The following MIGA2 variants were observed in gnomAD, a reference collection of about 807,000 sequenced individuals.
MIGA2 encodes the protein family with sequence similarity 73, member B.
In MIGA2, 36 loss-of-function variants were observed where a neutral mutation model predicts 69.9. The observed-to-expected ratio is 0.52, with a 90% CI of 0.39 to 0.68. MIGA2 has a LOEUF of 0.68. Ranked by LOEUF, MIGA2 falls within the 30% of genes least tolerant of loss-of-function variation. MIGA2 has a pLI of 0.00. For missense variants in MIGA2, 660 were observed against 787.7 expected (o/e 0.84, Z 1.94); for synonymous variants, 333 against 349.2 (o/e 0.95, Z 0.52).
At position 129,048,452 on chromosome 9, in the gene MIGA2, C is replaced by G. The variant is rs751491279; in HGVS notation, c.333C>G (p.Ser111Arg). Residue 111 changes from serine to arginine, a missense_variant, in exon 4 of 16, where the codon AGC (serine) becomes AGG (arginine). Around this residue, in one of 3 missense-constraint regions of MIGA2, gnomAD observed 386 missense variants for 402.0 expected, o/e 0.96. Transcript: ENST00000684074. Reference sequence around the variant, plus strand: ...GATACTCCAGCCGGAGAGTCCAGAGCCCCAGCAGCAAGAGCAACGACACCC... The same window carrying G: ...GATACTCCAGCCGGAGAGTCCAGAGGCCCAGCAGCAAGAGCAACGACACCC... ...KKGYSSRRVQ[S>R]PSSKSNDTLS... 2 of 1,614,046 alleles carry G rather than the reference C, an allele frequency of 1.2e-6. No individual in the cohort carries two copies. Among genetic ancestry groups the G allele is most frequent in the Non-Finnish European group, 1.7e-6 (2 of 1,179,940 alleles).
intron 6 of MIGA2, among the ~76,000 whole-genome samples, chr9:129,055,709 C>A (rs1196576696): frequency 2.6e-5 from 4 of 151,938 alleles, no homozygotes; most frequent in African/African-American, 9.7e-5. Context: ...ATTAGCCGGG[C>A]GTAGTGGCGG....
At chr9:129,056,975 A>G (rs1028307794) in intron 6 of MIGA2, among the ~76,000 whole-genome samples, 2 of 151,912 alleles carry the variant, frequency 1.3e-5, no homozygotes, top group African/African-American at 2.4e-5. Flanking sequence ...TGGAAGTTGC[A>G]GTGAACCGAG....
At chr9:129,038,461 C>T (rs1844714574) in intron 1 of MIGA2, among the ~76,000 whole-genome samples, 1 of 152,084 alleles carries the variant, frequency 6.6e-6, no homozygotes. Flanking sequence ...GTCTTGGGGT[C>T]CAGGCTAGGT....
At chr9:129,063,989 C>T (rs1222533783) in intron 11 of MIGA2, among the ~76,000 whole-genome samples, 1 of 152,168 alleles carries the variant, frequency 6.6e-6, no homozygotes, top group African/African-American at 2.4e-5. Flanking sequence ...TCACAGACAA[C>T]ACTATATAAT....
At chr9:129,046,528 G>C (rs1325851449) in intron 3 of MIGA2, among the ~76,000 whole-genome samples, 2 of 151,462 alleles carry the variant, frequency 1.3e-5, no homozygotes, top group Non-Finnish European at 2.9e-5. Context: ...CACAATCTTG[G>C]CTCACTGCAA....
intron 6 of MIGA2, among the ~76,000 whole-genome samples, chr9:129,056,701 T>C (rs2131371888): frequency 6.6e-6 from 1 of 152,102 alleles, no homozygotes. Flanking sequence ...GTGTTTTTAG[T>C]AGAGACGGGT....
chr9:129,049,289 C>A (rs1030515989), intron 4 of MIGA2, 92 bp from the exon 5 acceptor site: 13 of 1,227,012 alleles, frequency 1.1e-5, no homozygotes, highest in Non-Finnish European at 1.5e-5. Flanking sequence ...GGGCGTGTGG[C>A]CCATGGTCAG....
chr9:129,043,764 G>T (rs954699795), intron 3 of MIGA2, among the ~76,000 whole-genome samples: 2 of 151,402 alleles, frequency 1.3e-5, no homozygotes, highest in Admixed American at 6.6e-5. Flanking sequence ...GCTGTGGCAT[G>T]ATCTTGGCTC....
In MIGA2 at chr9:129,043,150, C is replaced by T. The variant is rs543168355; in HGVS notation, c.307+636C>T. On this transcript the variant is annotated intron_variant, in intron 3 of 15. Coordinates refer to ENST00000684074, the MANE Select transcript of MIGA2 (RefSeq NM_001329990.2). ...CGGAGCTTGCAGTGAGCCGAGATTG[C>T]GCCACTGCACTCCAGCCTGGGTGAC... is the stretch of plus-strand genomic sequence containing the variant. Among the ~76,000 whole-genome samples the T allele has an allele frequency of 8.1e-3, 1,222 of 151,486 alleles. 14 individuals carry two copies. Among genetic ancestry groups the T allele is most frequent in the African/African-American group, 0.028 (1,147 of 41,278 alleles).
In MIGA2 at chr9:129,069,488, C is replaced by T. The variant is rs577292820; in HGVS notation, c.1458+359C>T. On this transcript the variant is annotated intron_variant, in intron 14 of 15. Coordinates refer to ENST00000684074, the MANE Select transcript of MIGA2 (RefSeq NM_001329990.2). The surrounding 1 kb of genome is among the most constrained non-coding windows in gnomAD (Gnocchi z 4.9). ...CCCTTTCCCCGCCCCAGTCAGGCCC[C>T]TGTAATCTCCGCTCCCAGGCAGCGA... 2.2e-5 allele frequency: 11 copies of T among 509,172 alleles called. No individual in the cohort carries two copies. The highest frequency in any genetic ancestry group is 1.9e-4 in the South Asian group (9 of 46,668). 31.5% of individuals were successfully genotyped at this position (509,172 alleles called of 1,614,324 possible). A position where few individuals can be genotyped will look rare whatever the true frequency, so the allele number is the denominator to read the frequency against.
chr9:129,045,714 C>T (rs1845183748), intron 3 of MIGA2, among the ~76,000 whole-genome samples: 1 of 151,858 alleles, frequency 6.6e-6, no homozygotes, highest in African/African-American at 2.4e-5. Flanking sequence ...TCAAGACCAG[C>T]CTGGGCAACA....
chr9:129,048,302 C>A, intron 3 of MIGA2, 125 bp from the exon 4 acceptor site: 1 of 829,092 alleles, frequency 1.2e-6, no homozygotes, highest in East Asian at 2.5e-5. Context: ...CTCTGTTCCC[C>A]TGACTTAGAA....
At position 129,059,047 on chromosome 9, in the gene MIGA2, G is replaced by T; in HGVS notation, c.676-107G>T. 1 of 898,864 alleles carries T rather than the reference G, an allele frequency of 1.1e-6. No homozygotes were observed. The highest frequency in any genetic ancestry group is 1.8e-6 in the Non-Finnish European group (1 of 568,166). The allele number at this position is 898,864 out of a possible 1,614,324, so 55.7% of individuals were successfully genotyped here. On this transcript the variant is annotated intron_variant, in intron 6 of 15. Coordinates refer to ENST00000684074, the MANE Select transcript of MIGA2 (RefSeq NM_001329990.2). The surrounding 1 kb of genome is among the most constrained non-coding windows in gnomAD (Gnocchi z 5.6). Reference sequence around the variant, plus strand: ...TTGGAGTTTATGTGCTTAGCTGCTGGGTCCTAGAGCTCCTCCCCTTTCCCC... The same window carrying T: ...TTGGAGTTTATGTGCTTAGCTGCTGTGTCCTAGAGCTCCTCCCCTTTCCCC...
chr9:129,063,266 A>G lies in MIGA2; in HGVS notation c.1033A>G (p.Ser345Gly). The G allele has an allele frequency of 6.2e-7, 1 of 1,614,056 alleles. No homozygotes were observed. Among genetic ancestry groups the G allele is most frequent in the Non-Finnish European group, 8.5e-7 (1 of 1,179,998 alleles). Reference sequence around the variant, plus strand: ...CAGGACGGAGCTGCTGGGCTGCTACAGTGACCAGGACTTTCTGGCCAAGCT... The same window carrying G: ...CAGGACGGAGCTGCTGGGCTGCTACGGTGACCAGGACTTTCTGGCCAAGCT... The part of the protein sequence containing the change: ...TLRTELLGCY[S>G]DQDFLAKLHC... Residue 345 changes from serine to glycine, a missense_variant, in exon 10 of 16, where the codon AGT becomes GGT. Ser to Gly is a moderately conservative substitution (Grantham distance 56). Coordinates refer to ENST00000684074, the MANE Select transcript of MIGA2 (RefSeq NM_001329990.2).
intron 11 of MIGA2, among the ~76,000 whole-genome samples, chr9:129,065,873 G>A (rs982432387): frequency 1.3e-5 from 2 of 152,060 alleles, no homozygotes; most frequent in African/African-American, 4.8e-5. Flanking sequence ...TCACCGTGGC[G>A]GTGTGGCCTC....
At chr9:129,051,151 A>C (rs771241970) in intron 6 of MIGA2, 1 of 156,046 alleles carries the variant, frequency 6.4e-6, no homozygotes, top group Admixed American at 6.5e-5. Context: ...CGGCCTCCCA[A>C]AGTGCTGGGA....
rs750270580 is a variant in MIGA2 at position 129,069,780 on chromosome 9, G to A, written c.1459-69G>A. 1.1e-5 allele frequency: 12 copies of A among 1,062,640 alleles called. No homozygotes were observed. The East Asian group carries it at 1.2e-4, about 10-fold the overall frequency. The allele number at this position is 1,062,640 out of a possible 1,614,324, so 65.8% of individuals were successfully genotyped here. A position where few individuals can be genotyped will look rare whatever the true frequency, so the allele number is the denominator to read the frequency against. On this transcript the variant is annotated intron_variant, in intron 14 of 15. Coordinates refer to ENST00000684074, the MANE Select transcript of MIGA2 (RefSeq NM_001329990.2). This position sits in a 1 kb window ranked among gnomAD's most constrained non-coding sequence, Gnocchi z 4.9. ...ACCTCTAAAGCCCAGCCCTTTATGC[G>A]ACACCTGGGCCTGGTGCCCTCATCC...
chr9:129,042,022 G>C, intron 2 of MIGA2: 1 of 460,692 alleles, frequency 2.2e-6, no homozygotes, highest in South Asian at 2.6e-5. Context: ...CACAGCTGGT[G>C]CTTGTTCACT....
intron 11 of MIGA2, 64 bp downstream of exon 11, chr9:129,063,695 C>A: frequency 6.5e-7 from 1 of 1,544,410 alleles, no homozygotes; most frequent in Non-Finnish European, 8.9e-7. Flanking sequence ...CCCCCTGAAC[C>A]CCACCTGCCA....
Sources: gnomAD v4.1 joint callset for allele counts (sites outside exome capture counted in the v4.1 genomes callset) on GRCh38, gnomAD v4.1.1 for gene constraint, gnomAD v4.1.1 regional missense constraint, Gnocchi (gnomAD v3.1) non-coding constraint, MANE v1.5 for transcripts, NCBI Gene and HGNC (gene_info 2026-07-23, HGNC 2026-07-21) for gene names.